FYB1: variants seen among roughly 807,000 people sequenced by gnomAD.
The protein encoded by FYB1 is FYN-binding protein 1.
In FYB1, 41 loss-of-function variants were observed where a neutral mutation model predicts 94.1. That is an observed-to-expected ratio of 0.44 (90% CI 0.34 to 0.57). The LOEUF is 0.57. FYB1 is among the 20% of genes least tolerant of loss of function. The probability of loss-of-function intolerance (pLI) is 0.02; values close to 1 mark genes in which losing one functional copy is unlikely to be tolerated. For synonymous variants in FYB1, 367 were observed against 353.2 expected (o/e 1.04, Z -0.44); for missense variants, 1,050 against 976.8 (o/e 1.07, Z -1.00).
At chr5:39,127,703 T>C (rs764880076) in intron 11 of FYB1, 38 bp downstream of exon 11, 2 of 1,555,440 alleles carry the variant, frequency 1.3e-6, no homozygotes, top group South Asian at 1.2e-5. Context: ...AATGTATATA[T>C]AATAATTTGC....
chr5:39,136,843 A>T (rs1741717968), intron 7 of FYB1, among the ~76,000 whole-genome samples: 1 of 152,240 alleles, frequency 6.6e-6, no homozygotes, highest in South Asian at 2.1e-4. Context: ...AAAAATACTT[A>T]AAGAAACCAT....
At chr5:39,272,872 CTTA>C (rs1752703338) in intron 1 of FYB1, among the ~76,000 whole-genome samples, 1 of 152,088 alleles carries the variant, frequency 6.6e-6, no homozygotes, top group African/African-American at 2.4e-5. Flanking sequence ...TCAAGTTGTG[CTTA>C]TTTCCAAATG....
chr5:39,201,837 G>A lies in FYB1; in HGVS notation c.1124C>T (p.Ser375Phe), dbSNP rs375519198. 6 of 1,611,732 alleles carry A rather than the reference G, an allele frequency of 3.7e-6. No homozygotes were observed. In the East Asian group the frequency reaches 8.9e-5, roughly 24 times the overall value. ...AGAAAAGAACTCACTGTTTCCAGAA[G>A]AGGTTTTGTGGAATTTCGTCAGGTC... ...NVDLTKFHKT[S>F]SGNSTSKGQT... The change falls in exon 2 of 19, where the codon TCT becomes TTT. Residue 375 changes from serine (S) to phenylalanine (F), a missense_variant. Physicochemically the swap from Ser to Phe is radical, Grantham distance 155. Coordinates refer to ENST00000512982, the MANE Select transcript of FYB1 (RefSeq NM_001465.6).
chr5:39,194,580 A>G (rs1002018100), intron 2 of FYB1, among the ~76,000 whole-genome samples: 3 of 151,978 alleles, frequency 2.0e-5, no homozygotes. Context: ...GGAAGGAAGG[A>G]AGGGAGGATA....
At chr5:39,116,485 T>C (rs1483503487) in intron 16 of FYB1, among the ~76,000 whole-genome samples, 2 of 152,238 alleles carry the variant, frequency 1.3e-5, no homozygotes, top group Non-Finnish European at 2.9e-5. Flanking sequence ...TCTTAGAAGA[T>C]GACACATTCT....
At chr5:39,169,383 A>AT in intron 2 of FYB1, 1 of 758,202 alleles carries the variant, frequency 1.3e-6, no homozygotes, top group South Asian at 1.3e-5. Context: ...AGCTTTGTGA[A>AT]TTTTTCCGTA....
At chr5:39,161,703 A>G (rs959767142) in intron 2 of FYB1, among the ~76,000 whole-genome samples, 8 of 152,128 alleles carry the variant, frequency 5.3e-5, no homozygotes, top group African/African-American at 9.7e-5. Context: ...ACTGAAGTAT[A>G]AGTCACATAA....
Position 39,105,499 on chromosome 5 carries a change from T to A in FYB1, c.*1944A>T, listed in dbSNP as rs1760323192. 6.6e-6 allele frequency: 1 copy of A among 152,152 alleles called. No homozygotes were observed. The highest frequency in any genetic ancestry group is 2.4e-5 in the African/African-American group (1 of 41,428). 9.4% of individuals were successfully genotyped at this position (152,152 alleles called of 1,614,324 possible). On this transcript the variant is annotated 3_prime_UTR_variant, in exon 19 of 19. Coordinates refer to ENST00000512982, the MANE Select transcript of FYB1 (RefSeq NM_001465.6). ...TTAAAAACTGACATTGTACTGAATT[T>A]ACATAATTCTCAATCAGAAAAAAAA...
At chr5:39,116,959 A>G (rs1739628363) in intron 16 of FYB1, among the ~76,000 whole-genome samples, 1 of 152,182 alleles carries the variant, frequency 6.6e-6, no homozygotes, top group African/African-American at 2.4e-5. Flanking sequence ...TGCTAAGCAT[A>G]GGAGACTTAG....
intron 1 of FYB1, among the ~76,000 whole-genome samples, chr5:39,268,165 G>GTGAT (rs2111737167): frequency 6.6e-6 from 1 of 151,988 alleles, no homozygotes; most frequent in East Asian, 1.9e-4. Flanking sequence ...TACTAACCTG[G>GTGAT]TGATTGTCCC....
chr5:39,270,156 A>C (rs1219186356), intron 1 of FYB1, among the ~76,000 whole-genome samples: 1 of 152,170 alleles, frequency 6.6e-6, no homozygotes, highest in Non-Finnish European at 1.5e-5. Flanking sequence ...TGTAAAATCT[A>C]CTGTGTTATC....
chr5:39,239,317 T>C (rs1751105213), intron 1 of FYB1, among the ~76,000 whole-genome samples: 1 of 151,986 alleles, frequency 6.6e-6, no homozygotes, highest in Non-Finnish European at 1.5e-5. Context: ...GCCAGAGCAA[T>C]CAGGCAAGAG....
At position 39,236,100 on chromosome 5, in the gene FYB1, A is replaced by T. The variant is rs952600772; in HGVS notation, c.-27-33113T>A. 2.6e-5 allele frequency among the ~76,000 whole-genome samples: 4 copies of T among 151,986 alleles called. No homozygotes were observed. In the East Asian group the frequency reaches 7.7e-4, roughly 29 times the overall value. On this transcript the variant is annotated intron_variant, in intron 1 of 1. Transcript: ENST00000510188. ...TTCTAAACCTCTCAGATACTAGATAAATTCTAGGTGTGCCACAAGATTTTA... is the reference window on the plus strand; with the variant it reads ...TTCTAAACCTCTCAGATACTAGATATATTCTAGGTGTGCCACAAGATTTTA...
intron 17 of FYB1, among the ~76,000 whole-genome samples, chr5:39,110,076 C>T (rs1738915564): frequency 2.6e-5 from 4 of 152,088 alleles, no homozygotes; most frequent in Admixed American, 1.3e-4. Flanking sequence ...GACATGTCTT[C>T]AGTGTTTGCT....
chr5:39,235,331 T>C (rs1579753790), intron 1 of FYB1, among the ~76,000 whole-genome samples: 2 of 151,484 alleles, frequency 1.3e-5, no homozygotes, highest in East Asian at 3.9e-4. Flanking sequence ...TCTTGAGAAA[T>C]GAACAAAGGT....
At chr5:39,198,812 T>C (rs2150485130) in intron 2 of FYB1, among the ~76,000 whole-genome samples, 1 of 152,254 alleles carries the variant, frequency 6.6e-6, no homozygotes, top group South Asian at 2.1e-4. Context: ...TATAAGGATG[T>C]AACCCGATCA....
At chr5:39,176,394 C>T (rs1384220809) in intron 2 of FYB1, among the ~76,000 whole-genome samples, 2 of 152,004 alleles carry the variant, frequency 1.3e-5, no homozygotes, top group Non-Finnish European at 2.9e-5. Flanking sequence ...AGGTGATTCA[C>T]TCGCTTCGGC....
intron 1 of FYB1, among the ~76,000 whole-genome samples, chr5:39,261,743 T>A (rs1752228786): frequency 6.8e-6 from 1 of 147,378 alleles, no homozygotes; most frequent in African/African-American, 2.6e-5. Context: ...CGAGACTCTG[T>A]CTCAAAAAAA....
At chr5:39,150,101 G>A (rs187412165) in intron 3 of FYB1, among the ~76,000 whole-genome samples, 1 of 151,142 alleles carries the variant, frequency 6.6e-6, no homozygotes, top group Non-Finnish European at 1.5e-5. Context: ...ATTTTTTTTC[G>A]ACTAAATTCC....
Sources: gnomAD v4.1 joint callset for allele counts (sites outside exome capture counted in the v4.1 genomes callset) on GRCh38, gnomAD v4.1.1 for gene constraint, MANE v1.5 for transcripts, NCBI Gene and HGNC (gene_info 2026-07-23, HGNC 2026-07-21) for gene names.